The following CASS4 variants were observed in gnomAD, a reference collection of about 807,000 sequenced individuals.
CASS4 encodes the protein cas scaffolding protein family member 4.
CASS4 carries 22 observed loss-of-function variants against 54.2 expected under a neutral mutation model. That is an observed-to-expected ratio of 0.41 (90% CI 0.29 to 0.58). CASS4 has a LOEUF of 0.58. Among genes scored for constraint, CASS4 ranks in the 20% least tolerant of loss-of-function variants. CASS4 has a pLI of 0.36. For missense variants in CASS4, 854 were observed against 986.7 expected (o/e 0.87, Z 1.80); for synonymous variants, 409 against 391.5 (o/e 1.04, Z -0.53).
intron 1 of CASS4, among the ~76,000 whole-genome samples, chr20:56,419,613 G>C (rs564724115): frequency 6.6e-6 from 1 of 151,888 alleles, no homozygotes; most frequent in Non-Finnish European, 1.5e-5. Context: ...TTTTAGTAGA[G>C]GTGGGTTTTT....
chr20:56,439,432 AG>A (rs1051364254), intron 2 of CASS4, among the ~76,000 whole-genome samples: 136 of 152,060 alleles, frequency 8.9e-4, no homozygotes, highest in African/African-American at 3.0e-3. Flanking sequence ...GCAGTTTGGG[AG>A]GCCAAGGCAG....
intron 2 of CASS4, among the ~76,000 whole-genome samples, chr20:56,439,000 G>A (rs1980331610): frequency 1.3e-5 from 2 of 152,266 alleles, no homozygotes; most frequent in South Asian, 4.1e-4. Flanking sequence ...TAAAGAGAAA[G>A]GGAGCAGTAA....
chr20:56,413,835 G>A (rs1736838238), intron 1 of CASS4, among the ~76,000 whole-genome samples: 1 of 152,032 alleles, frequency 6.6e-6, no homozygotes, highest in Non-Finnish European at 1.5e-5. Flanking sequence ...GAAAAATATG[G>A]GAAGCGTGGG....
upstream of CASS4, chr20:56,412,229 T>C (rs1978908809): frequency 7.4e-6 from 4 of 540,234 alleles, no homozygotes; most frequent in African/African-American, 7.7e-5. This position sits in a 1 kb window ranked among gnomAD's most constrained non-coding sequence, Gnocchi z 4.2. Context: ...GTGTGGCTTG[T>C]ATTTCTGGTC....
intron 2 of CASS4, among the ~76,000 whole-genome samples, chr20:56,445,400 A>C (rs1980656118): frequency 6.6e-6 from 1 of 152,136 alleles, no homozygotes; most frequent in Non-Finnish European, 1.5e-5. Context: ...GTTTCCTCCC[A>C]GACCTTGTTG....
intron 4 of CASS4, among the ~76,000 whole-genome samples, chr20:56,451,010 A>G (rs373921934): frequency 9.4e-5 from 13 of 138,828 alleles, no homozygotes; most frequent in African/African-American, 3.9e-4. Context: ...CTCTAATAAA[A>G]TACAAAAATT....
intron 1 of CASS4, among the ~76,000 whole-genome samples, chr20:56,425,038 T>G (rs1046328977): frequency 6.6e-6 from 1 of 152,246 alleles, no homozygotes; most frequent in African/African-American, 2.4e-5. Context: ...ATGCAGCTAC[T>G]GTGTCCTGAT....
At position 56,452,722 on chromosome 20, in the gene CASS4, A is replaced by G. The variant is rs764139797; in HGVS notation, c.1546A>G (p.Ile516Val). 1 of 1,614,104 alleles carries G rather than the reference A, an allele frequency of 6.2e-7. No individual in the cohort carries two copies. Residue 516 changes from isoleucine to valine, a missense_variant, in exon 5 of 6, where the codon ATT (isoleucine) becomes GTT (valine). By Grantham distance (29) the Ile-to-Val change is conservative. Coordinates refer to ENST00000679887, the MANE Select transcript of CASS4 (RefSeq NM_020356.4). ...NLTDSNLQNRIRDQMQTISNS... is the reference protein window; with the variant it reads ...NLTDSNLQNRVRDQMQTISNS... ...CACTGACAGTAACCTTCAGAACAGA[A>G]TTCGGGACCAGATGCAGACCATCTC...
chr20:56,447,081 G>A (rs531998067), intron 3 of CASS4, among the ~76,000 whole-genome samples: 28 of 151,886 alleles, frequency 1.8e-4, no homozygotes, highest in Non-Finnish European at 2.6e-4. Flanking sequence ...GGTGGTTCAC[G>A]CCTGTAGTCC....
intron 4 of CASS4, among the ~76,000 whole-genome samples, chr20:56,451,299 G>A (rs939429057): frequency 2.6e-5 from 4 of 152,208 alleles, no homozygotes; most frequent in South Asian, 2.1e-4. Flanking sequence ...CCTCAGGGGC[G>A]TGCTGTGATA....
rs141299799 is a variant in CASS4, at chr20:56,458,692, C to A, written c.2306C>A (p.Ala769Glu). The stretch of plus-strand genomic sequence containing the variant: ...CCTGCCGCGCTGGGGCACCTCCAGG[C>A]GGAGGCTGAGAAGCTGGAGCAACAC... ...PSPAALGHLQ[A>E]EAEKLEQHTR... Residue 769 changes from alanine to glutamate, a missense_variant, in exon 6 of 6, where the codon GCG (alanine) becomes GAG (glutamate). Physicochemically the swap from Ala to Glu is moderately radical, Grantham distance 107 (BLOSUM62 -1). Transcript: ENST00000679887. The A allele has an allele frequency of 1.9e-6, 3 of 1,612,294 alleles. No homozygotes were observed. Among genetic ancestry groups the A allele is most frequent in the Non-Finnish European group, 2.5e-6 (3 of 1,179,510 alleles).
intron 5 of CASS4, among the ~76,000 whole-genome samples, chr20:56,455,923 C>T (rs1981269993): frequency 6.6e-6 from 1 of 151,896 alleles, no homozygotes. Context: ...AAGAACAAGA[C>T]TCTGTCTCAA....
chr20:56,424,201 T>C (rs969826513), intron 1 of CASS4, among the ~76,000 whole-genome samples: 24 of 152,358 alleles, frequency 1.6e-4, no homozygotes, highest in African/African-American at 5.8e-4. Context: ...GATAATGAGA[T>C]GCAGATTATT....
chr20:56,432,205 A>G (rs1439084986), intron 1 of CASS4, among the ~76,000 whole-genome samples: 3 of 152,190 alleles, frequency 2.0e-5, no homozygotes, highest in Admixed American at 6.5e-5. Flanking sequence ...TTAAAGTCCT[A>G]CAAGATAATA....
chr20:56,425,017 A>G (rs1330520031), intron 1 of CASS4, among the ~76,000 whole-genome samples: 1 of 152,182 alleles, frequency 6.6e-6, no homozygotes, highest in Admixed American at 6.5e-5. Flanking sequence ...CCAACATCAC[A>G]CACATGCAAC....
At chr20:56,431,149 C>T (rs943352788) in intron 1 of CASS4, among the ~76,000 whole-genome samples, 7 of 152,054 alleles carry the variant, frequency 4.6e-5, no homozygotes, top group Non-Finnish European at 5.9e-5. Flanking sequence ...TCTCTCTGAC[C>T]CTCAGTTCTC....
At chr20:56,423,618 C>T (rs1979508330) in intron 1 of CASS4, among the ~76,000 whole-genome samples, 1 of 152,098 alleles carries the variant, frequency 6.6e-6, no homozygotes, top group Non-Finnish European at 1.5e-5. Context: ...AATCTCAGCT[C>T]ACTGCAACCT....
intron 1 of CASS4, among the ~76,000 whole-genome samples, chr20:56,433,759 A>G (rs1284830720): frequency 1.3e-5 from 2 of 152,174 alleles, no homozygotes; most frequent in Non-Finnish European, 2.9e-5. Flanking sequence ...TGATAGCTTC[A>G]TATCTTCCCT....
chr20:56,454,051 T>C (rs955623154), intron 5 of CASS4, among the ~76,000 whole-genome samples: 82 of 151,936 alleles, frequency 5.4e-4, no homozygotes, highest in African/African-American at 1.8e-3. Context: ...CATGGTGGTG[T>C]GCGCCTGTAA....
Sources: gnomAD v4.1 joint callset for allele counts (sites outside exome capture counted in the v4.1 genomes callset) on GRCh38, gnomAD v4.1.1 for gene constraint, Gnocchi (gnomAD v3.1) non-coding constraint, MANE v1.5 for transcripts, NCBI Gene and HGNC (gene_info 2026-07-23, HGNC 2026-07-21) for gene names.